The following PDE11A variants were observed in gnomAD, a reference collection of about 807,000 sequenced individuals.
PDE11A encodes the protein dual 3',5'-cyclic-AMP and -GMP phosphodiesterase 11A.
A neutral mutation model predicts 100.5 loss-of-function variants in PDE11A; 100 were observed. That is an observed-to-expected ratio of 1.00 (90% CI 0.85 to 1.18). The LOEUF (loss-of-function observed/expected upper bound fraction) is 1.18. Among genes scored for constraint, PDE11A ranks in the 50% most tolerant of loss-of-function variants. The pLI, the probability that PDE11A is intolerant of heterozygous loss-of-function variation, is 0.00. For synonymous variants in PDE11A, 381 were observed against 420.8 expected (o/e 0.91, Z 1.16); for missense variants, 1,141 against 1,152.6 (o/e 0.99, Z 0.15).
chr2:177,941,745 G>A (rs2085348801), intron 2 of PDE11A, among the ~76,000 whole-genome samples: 1 of 152,192 alleles, frequency 6.6e-6, no homozygotes, highest in South Asian at 2.1e-4. Context: ...CTACTTTAAG[G>A]AAGGAAATTG....
rs540163172 is a variant in PDE11A, at chr2:177,860,949, A to G, written c.1367+14910T>C. Among the ~76,000 whole-genome samples, 80 of 151,998 alleles carry G rather than the reference A, an allele frequency of 5.3e-4. 2 individuals carry two copies. The highest frequency in any genetic ancestry group is 3.4e-3 in the Middle Eastern group (1 of 294). On this transcript the variant is annotated intron_variant, in intron 5 of 19. Transcript: ENST00000286063. Reference sequence around the variant, plus strand: ...TAGAAGGGAACTTCCTCAAACTAATAAAAGGACACTTAACAAAAAATGCAC... The same window carrying G: ...TAGAAGGGAACTTCCTCAAACTAATGAAAGGACACTTAACAAAAAATGCAC...
chr2:177,677,479 G>A (rs750933936), intron 16 of PDE11A, among the ~76,000 whole-genome samples: 3 of 152,160 alleles, frequency 2.0e-5, no homozygotes, highest in South Asian at 2.1e-4. Context: ...GAGGTAGGAC[G>A]GGTAGAGTGG....
intron 2 of PDE11A, among the ~76,000 whole-genome samples, chr2:177,969,916 G>A (rs1559028228): frequency 6.6e-6 from 1 of 152,026 alleles, no homozygotes. Flanking sequence ...ATTGACCTCT[G>A]CTTTCATATT....
chr2:178,062,472 A>G (rs1225271070), intron 1 of PDE11A, among the ~76,000 whole-genome samples: 2 of 152,182 alleles, frequency 1.3e-5, no homozygotes, highest in Non-Finnish European at 2.9e-5. Context: ...AAAGGTGGCC[A>G]TTAGAAAGAG....
intron 10 of PDE11A, among the ~76,000 whole-genome samples, chr2:177,739,964 T>C (rs1356357319): frequency 6.6e-6 from 1 of 152,234 alleles, no homozygotes; most frequent in Admixed American, 6.5e-5. Flanking sequence ...TCTTGAATTG[T>C]ACCTGGATTT....
chr2:177,721,660 G>A (rs1032267167), intron 12 of PDE11A, among the ~76,000 whole-genome samples: 2 of 152,034 alleles, frequency 1.3e-5, no homozygotes, highest in Non-Finnish European at 2.9e-5. Flanking sequence ...TTTTGTCCAT[G>A]TTTAGAAATA....
intron 10 of PDE11A, among the ~76,000 whole-genome samples, chr2:177,753,537 GA>G (rs2082051599): frequency 1.3e-5 from 2 of 151,868 alleles, no homozygotes; most frequent in South Asian, 4.2e-4. Context: ...TTCTGAGGAA[GA>G]AAAATCAGCC....
chr2:177,777,697 C>T (rs2082397206), intron 9 of PDE11A, among the ~76,000 whole-genome samples: 1 of 152,168 alleles, frequency 6.6e-6, no homozygotes, highest in Non-Finnish European at 1.5e-5. Context: ...ATTTGTAAGA[C>T]ATGGTTTTAT....
intron 2 of PDE11A, among the ~76,000 whole-genome samples, chr2:177,959,711 A>C (rs1255596481): frequency 6.6e-6 from 1 of 152,184 alleles, no homozygotes. Flanking sequence ...TAGGTTGCAA[A>C]GAGGCCTAAA....
intron 1 of PDE11A, among the ~76,000 whole-genome samples, chr2:178,053,749 A>G (rs916633956): frequency 1.9e-4 from 29 of 152,126 alleles, no homozygotes; most frequent in Non-Finnish European, 1.5e-5. Flanking sequence ...TCATGAGTGA[A>G]CTCCCATTCA....
intron 19 of PDE11A, among the ~76,000 whole-genome samples, chr2:177,656,889 G>A (rs920520032): frequency 3.3e-5 from 5 of 152,204 alleles, no homozygotes; most frequent in Non-Finnish European, 7.3e-5. Context: ...TGGGCAAAGG[G>A]TGTCTGGTAA....
intron 2 of PDE11A, among the ~76,000 whole-genome samples, chr2:178,093,577 T>C (rs773601348): frequency 6.6e-6 from 1 of 152,206 alleles, no homozygotes; most frequent in Non-Finnish European, 1.5e-5. Context: ...ACCTTCACTT[T>C]TGATAAAACC....
chr2:177,816,036 C>A (rs2083032354), intron 9 of PDE11A, among the ~76,000 whole-genome samples: 1 of 152,090 alleles, frequency 6.6e-6, no homozygotes, highest in Non-Finnish European at 1.5e-5. Context: ...CATAGTGAAA[C>A]CTCATCTCTG....
chr2:177,939,535 GGA>G (rs1559015668), intron 2 of PDE11A, among the ~76,000 whole-genome samples: 134 of 83,422 alleles, frequency 1.6e-3, no homozygotes, highest in Non-Finnish European at 2.3e-3. Context: ...GAGGGAGGAA[GGA>G]AGGAAGGAAG....
intron 1 of PDE11A, among the ~76,000 whole-genome samples, chr2:178,023,608 C>T (rs2086441034): frequency 6.6e-6 from 1 of 152,190 alleles, no homozygotes; most frequent in African/African-American, 2.4e-5. Flanking sequence ...TTTTAAAAAC[C>T]AGAATCTTGA....
intron 2 of PDE11A, among the ~76,000 whole-genome samples, chr2:177,958,246 G>GT (rs1311970194): frequency 1.3e-5 from 2 of 152,048 alleles, no homozygotes; most frequent in Non-Finnish European, 2.9e-5. Context: ...ATTGCAGCAT[G>GT]TTTTTTTCTC....
At chr2:177,997,646 T>G in intron 2 of PDE11A, 1 of 1,480,472 alleles carries the variant, frequency 6.8e-7, no homozygotes, top group Admixed American at 1.7e-5. Context: ...TATTGCAGCC[T>G]GATTTTGAAA....
intron 1 of PDE11A, among the ~76,000 whole-genome samples, chr2:178,055,310 A>C (rs570028817): frequency 7.0e-6 from 1 of 142,650 alleles, no homozygotes; most frequent in Admixed American, 7.0e-5. Flanking sequence ...GAACACTTGG[A>C]CACAGGGTGG....
At chr2:177,871,563 T>C (rs183152360) in intron 5 of PDE11A, among the ~76,000 whole-genome samples, 2 of 131,326 alleles carry the variant, frequency 1.5e-5, no homozygotes, top group Non-Finnish European at 3.2e-5. Context: ...ATTATTATTA[T>C]TATTATTATT....
Sources: allele counts gnomAD v4.1 joint callset (sites outside exome capture counted in the v4.1 genomes callset), GRCh38; gene constraint gnomAD v4.1.1; transcripts MANE v1.5; gene names NCBI Gene and HGNC (gene_info 2026-07-23, HGNC 2026-07-21).